The following DISP1 variants were observed in gnomAD, a reference collection of about 807,000 sequenced individuals.
The protein encoded by DISP1 is dispatched RND transporter family member 1.
Under a neutral mutation model 37.3 loss-of-function variants are expected in DISP1, and 30 were observed. That is an observed-to-expected ratio of 0.80 (90% confidence interval 0.60 to 1.09). The LOEUF is 1.09. Among genes scored for constraint, DISP1 ranks in the 50% least tolerant of loss-of-function variants. The probability of loss-of-function intolerance (pLI) is 0.00; values close to 1 mark genes in which losing one functional copy is unlikely to be tolerated. For synonymous variants in DISP1, 634 were observed against 690.2 expected (o/e 0.92, Z 1.28); for missense variants, 1,598 against 1,879.5 (o/e 0.85, Z 2.77).
intron 1 of DISP1, among the ~76,000 whole-genome samples, chr1:222,926,130 C>T (rs971098515): frequency 1.3e-5 from 2 of 152,122 alleles, no homozygotes; most frequent in Non-Finnish European, 2.9e-5. Flanking sequence ...TACATTTTGT[C>T]TCTATGGATT....
At chr1:222,950,209 A>G (rs1464642383) in intron 3 of DISP1, among the ~76,000 whole-genome samples, 1 of 152,170 alleles carries the variant, frequency 6.6e-6, no homozygotes, top group Non-Finnish European at 1.5e-5. Context: ...AGATGACTAG[A>G]AATGAATGAA....
intron 1 of DISP1, among the ~76,000 whole-genome samples, chr1:222,851,603 C>G (rs1471633131): frequency 2.0e-5 from 3 of 152,282 alleles, no homozygotes; most frequent in African/African-American, 7.2e-5. Context: ...AAAGGAACTT[C>G]ATCCCCAGGT....
intron 2 of DISP1, among the ~76,000 whole-genome samples, chr1:222,928,779 A>C (rs1418438614): frequency 6.6e-6 from 1 of 152,048 alleles, no homozygotes; most frequent in African/African-American, 2.4e-5. Context: ...TTTAAATTGT[A>C]GTCTAGCGCA....
intron 1 of DISP1, among the ~76,000 whole-genome samples, chr1:222,892,324 C>G (rs1159025070): frequency 1.3e-5 from 2 of 152,166 alleles, no homozygotes; most frequent in Non-Finnish European, 2.9e-5. Flanking sequence ...AGCTTCACGT[C>G]TTATTGTGGC....
intron 2 of DISP1, among the ~76,000 whole-genome samples, chr1:222,933,603 A>G (rs1031570061): frequency 1.3e-5 from 2 of 151,916 alleles, no homozygotes; most frequent in African/African-American, 4.8e-5. Flanking sequence ...TCTTTGGGAA[A>G]ATGGCTTTCA....
intron 1 of DISP1, among the ~76,000 whole-genome samples, chr1:222,913,906 G>A (rs1350613471): frequency 6.6e-6 from 1 of 150,772 alleles, no homozygotes; most frequent in Non-Finnish European, 1.5e-5. Context: ...CTTAAGTGTG[G>A]GAATAGCTCA....
At chr1:222,954,948 G>T (rs1009837716) in intron 3 of DISP1, among the ~76,000 whole-genome samples, 1 of 152,048 alleles carries the variant, frequency 6.6e-6, no homozygotes, top group Non-Finnish European at 1.5e-5. Flanking sequence ...ATAAGTGGTG[G>T]TGGGGTGGGG....
intron 3 of DISP1, among the ~76,000 whole-genome samples, chr1:222,970,229 G>A (rs914296418): frequency 2.6e-5 from 4 of 151,562 alleles, no homozygotes; most frequent in African/African-American, 9.7e-5. Flanking sequence ...GCACCAGCAC[G>A]GATGTGTTAT....
chr1:222,884,336 C>T (rs887439419), intron 1 of DISP1, among the ~76,000 whole-genome samples: 30 of 152,028 alleles, frequency 2.0e-4, no homozygotes, highest in South Asian at 1.0e-3. Flanking sequence ...CTATTAATTT[C>T]AATTTTGCCA....
At chr1:222,986,589 G>A (rs759497484) in intron 4 of DISP1, among the ~76,000 whole-genome samples, 23 of 152,224 alleles carry the variant, frequency 1.5e-4, no homozygotes, top group Non-Finnish European at 2.4e-4. Context: ...ACGCCAGGCA[G>A]CATGCCTGCT....
intron 1 of DISP1, among the ~76,000 whole-genome samples, chr1:222,889,530 G>C (rs1670826349): frequency 6.6e-6 from 1 of 151,338 alleles, no homozygotes; most frequent in Admixed American, 6.6e-5. Context: ...ATTTTTCATT[G>C]GGTTGGTTTA....
intron 1 of DISP1, among the ~76,000 whole-genome samples, chr1:222,825,363 A>G (rs945198886): frequency 3.9e-5 from 6 of 152,196 alleles, no homozygotes; most frequent in African/African-American, 1.4e-4. Context: ...CCATAAATAT[A>G]TACAATTTTT....
At chr1:222,829,074 A>G (rs1665115014) in intron 1 of DISP1, among the ~76,000 whole-genome samples, 1 of 152,228 alleles carries the variant, frequency 6.6e-6, no homozygotes, top group Non-Finnish European at 1.5e-5. Context: ...TTGATGAAGA[A>G]GCAACAGAGG....
intron 4 of DISP1, among the ~76,000 whole-genome samples, chr1:222,984,435 T>TAGAGAGAGAGAGAGAGAG (rs369654102): frequency 9.2e-6 from 1 of 108,398 alleles, no homozygotes; most frequent in African/African-American, 3.8e-5. Flanking sequence ...TATATATATA[T>TAGAGAGAGAGAGAGAGAG]AGAGAGAGAG....
chr1:222,961,209 G>A (rs1159761164), intron 3 of DISP1, among the ~76,000 whole-genome samples: 3 of 152,080 alleles, frequency 2.0e-5, no homozygotes, highest in East Asian at 1.9e-4. Context: ...ACATCAATGC[G>A]AAAATCCTCA....
intron 1 of DISP1, among the ~76,000 whole-genome samples, chr1:222,870,823 T>G (rs1442262158): frequency 1.3e-5 from 2 of 152,252 alleles, no homozygotes; most frequent in Non-Finnish European, 2.9e-5. Context: ...TTTTGGATTT[T>G]GTTGCCATTG....
chr1:222,999,944 G>C (rs907132362), intron 8 of DISP1, among the ~76,000 whole-genome samples: 1 of 152,150 alleles, frequency 6.6e-6, no homozygotes, highest in Non-Finnish European at 1.5e-5. Flanking sequence ...ACTAGCACTC[G>C]TTTTTAATAG....
At chr1:222,853,217 C>T (rs757770027) in intron 1 of DISP1, among the ~76,000 whole-genome samples, 3 of 152,030 alleles carry the variant, frequency 2.0e-5, no homozygotes, top group Non-Finnish European at 4.4e-5. Context: ...GTCATCCCAC[C>T]GTTAGGATGG....
chr1:222,849,522 G>A (rs1668108509), intron 1 of DISP1, among the ~76,000 whole-genome samples: 1 of 152,088 alleles, frequency 6.6e-6, no homozygotes, highest in South Asian at 2.1e-4. Context: ...GATTTGGGAA[G>A]GCAGCTTTAA....
Sources: allele counts gnomAD v4.1 joint callset (sites outside exome capture counted in the v4.1 genomes callset), GRCh38; gene constraint gnomAD v4.1.1; transcripts MANE v1.5; gene names NCBI Gene and HGNC (gene_info 2026-07-23, HGNC 2026-07-21).